The following ZFAND3 variants were observed in gnomAD, a reference collection of about 807,000 sequenced individuals.
The protein encoded by ZFAND3 is zinc finger AN1-type containing 3.
A neutral mutation model predicts 29.6 loss-of-function variants in ZFAND3; 10 were observed. The observed-to-expected ratio is 0.34, with a 90% CI of 0.21 to 0.57. The LOEUF (loss-of-function observed/expected upper bound fraction) is 0.57. Among genes scored for constraint, ZFAND3 ranks in the 20% least tolerant of loss-of-function variants. The pLI, the probability that ZFAND3 is intolerant of heterozygous loss-of-function variation, is 0.86. For missense variants in ZFAND3, 230 were observed against 304.5 expected (o/e 0.76, Z 1.82); for synonymous variants, 128 against 112.6 (o/e 1.14, Z -0.87).
intron 2 of ZFAND3, among the ~76,000 whole-genome samples, chr6:37,948,324 C>T (rs2645097): frequency 0.98 from 148,700 of 152,352 alleles, 72,686 homozygotes; most frequent in East Asian, 1. Flanking sequence ...TATAAATTGA[C>T]CCCTTCATCA....
intron 1 of ZFAND3, among the ~76,000 whole-genome samples, chr6:37,855,377 C>T (rs1373778677): frequency 6.6e-6 from 1 of 151,238 alleles, no homozygotes; most frequent in Non-Finnish European, 1.5e-5. Flanking sequence ...GTCTCGAACT[C>T]CTGACCTCAG....
intron 1 of ZFAND3, among the ~76,000 whole-genome samples, chr6:37,904,321 G>A (rs937083623): frequency 6.6e-6 from 1 of 152,154 alleles, no homozygotes; most frequent in Admixed American, 6.5e-5. Context: ...CTCTGCTGAT[G>A]CTGATAGCTC....
chr6:37,936,755 A>G (rs1761705632), intron 2 of ZFAND3, among the ~76,000 whole-genome samples: 1 of 152,244 alleles, frequency 6.6e-6, no homozygotes, highest in Non-Finnish European at 1.5e-5. Flanking sequence ...GTAATTGCAC[A>G]AATTACAAAT....
chr6:38,010,681 C>T (rs568081310), intron 2 of ZFAND3, among the ~76,000 whole-genome samples: 1 of 151,356 alleles, frequency 6.6e-6, no homozygotes, highest in African/African-American at 2.4e-5. Flanking sequence ...CTCACTGCAA[C>T]CTCCGCCTCA....
Position 38,145,856 on chromosome 6 carries a change from C to T in ZFAND3, c.530-6379C>T, listed in dbSNP as rs555471043. On this transcript the variant is annotated intron_variant, in intron 5 of 5. Coordinates refer to ENST00000287218, the MANE Select transcript of ZFAND3 (RefSeq NM_021943.3). ...GAGTGGCTTCCATTGAAATACCTGT[C>T]CTTCCGAGAGAAGTGCCCCTACCCC... 2.0e-5 allele frequency among the ~76,000 whole-genome samples: 3 copies of T among 152,334 alleles called. No homozygotes were observed. The East Asian group carries it at 5.8e-4, about 29-fold the overall frequency.
At chr6:37,985,880 A>G (rs972986797) in intron 2 of ZFAND3, among the ~76,000 whole-genome samples, 3 of 152,204 alleles carry the variant, frequency 2.0e-5, no homozygotes, top group African/African-American at 7.2e-5. Flanking sequence ...TTATTATTCT[A>G]GTCTCTTTTT....
intron 1 of ZFAND3, among the ~76,000 whole-genome samples, chr6:37,920,226 G>A (rs1390798133): frequency 3.3e-5 from 5 of 151,786 alleles, no homozygotes; most frequent in South Asian, 2.1e-4. Context: ...TGCAATCATT[G>A]TATATATTGG....
chr6:37,850,620 G>A (rs942549629), intron 1 of ZFAND3, among the ~76,000 whole-genome samples: 2 of 152,158 alleles, frequency 1.3e-5, no homozygotes, highest in Admixed American at 1.3e-4. Context: ...TAGCCTAGCA[G>A]TGATAGGCCA....
At chr6:37,975,321 GT>G (rs1193028392) in intron 2 of ZFAND3, among the ~76,000 whole-genome samples, 1 of 151,762 alleles carries the variant, frequency 6.6e-6, no homozygotes, top group Non-Finnish European at 1.5e-5. Flanking sequence ...TTTAAATTGG[GT>G]TTTTTTCTTT....
intron 5 of ZFAND3, among the ~76,000 whole-genome samples, chr6:38,143,550 G>T (rs182823856): frequency 6.6e-6 from 1 of 152,398 alleles, no homozygotes; most frequent in Admixed American, 6.5e-5. Context: ...GGGGAAAGCA[G>T]ATGATTGCTT....
intron 2 of ZFAND3, among the ~76,000 whole-genome samples, chr6:38,028,561 G>A (rs1763491043): frequency 6.6e-6 from 1 of 151,930 alleles, no homozygotes; most frequent in South Asian, 2.1e-4. Flanking sequence ...ATTTTCTCAG[G>A]CAACTGCTGA....
In ZFAND3 at chr6:38,153,313, T is replaced by C; in HGVS notation, c.*924T>C. The stretch of plus-strand genomic sequence containing the variant: ...AGCCAACAAGAATCAGTAGAAGTGC[T>C]GGGAGCAGCAGCTGGGGAAGCTGCC... On this transcript the variant is annotated 3_prime_UTR_variant, in exon 6 of 6. Coordinates refer to ENST00000287218, the MANE Select transcript of ZFAND3 (RefSeq NM_021943.3). 9.1e-6 allele frequency: 9 copies of C among 985,504 alleles called. No homozygotes were observed. The highest frequency in any genetic ancestry group is 1.1e-5 in the Non-Finnish European group (9 of 829,968). The allele number at this position is 985,504 out of a possible 1,614,324, so 61.0% of individuals were successfully genotyped here.
intron 5 of ZFAND3, among the ~76,000 whole-genome samples, chr6:38,141,170 A>G (rs77481357): frequency 2.5e-3 from 374 of 152,358 alleles, no homozygotes; most frequent in Non-Finnish European, 4.4e-3. Flanking sequence ...TCTTAAAACA[A>G]GCACATAAAA....
At chr6:37,835,780 C>A (rs1181737934) in intron 1 of ZFAND3, among the ~76,000 whole-genome samples, 1 of 152,030 alleles carries the variant, frequency 6.6e-6, no homozygotes, top group Non-Finnish European at 1.5e-5. Context: ...ACACACTATT[C>A]CGGAACCACC....
intron 3 of ZFAND3, among the ~76,000 whole-genome samples, chr6:38,075,714 C>A (rs1011923734): frequency 1.1e-4 from 17 of 151,994 alleles, no homozygotes; most frequent in African/African-American, 4.1e-4. Flanking sequence ...ACAGAGAAAT[C>A]TTTTGTGAAA....
rs1311047911 is a variant in ZFAND3, at chr6:38,026,732, A to G, written c.113-34861A>G. ...AGGCGTGAGCTACCACGCCCGGCCA[A>G]TCCAATTTTAGGATCTTATGTGGTA... On this transcript the variant is annotated intron_variant, in intron 2 of 5. Coordinates refer to ENST00000287218, the MANE Select transcript of ZFAND3 (RefSeq NM_021943.3). Among the ~76,000 whole-genome samples the G allele has an allele frequency of 2.0e-5, 3 of 152,058 alleles. No homozygotes were observed. The East Asian group carries it at 5.8e-4, about 29-fold the overall frequency.
intron 2 of ZFAND3, among the ~76,000 whole-genome samples, chr6:38,041,653 T>TTCC (rs780269658): frequency 0.071 from 1,590 of 22,508 alleles, 94 homozygotes; most frequent in East Asian, 0.18. Context: ...CTTCTTCTTC[T>TTCC]TCTTCTTCTT....
chr6:37,820,356 C>T (rs1763641869), intron 1 of ZFAND3, among the ~76,000 whole-genome samples: 1 of 152,176 alleles, frequency 6.6e-6, no homozygotes, highest in Non-Finnish European at 1.5e-5. Context: ...CAGGGGTGCC[C>T]CTTCCGTGGG....
At chr6:37,922,418 A>G (rs1182926725) in intron 1 of ZFAND3, among the ~76,000 whole-genome samples, 1 of 152,264 alleles carries the variant, frequency 6.6e-6, no homozygotes, top group Non-Finnish European at 1.5e-5. Context: ...TTAAGGCGTG[A>G]TAAATATTAA....
Sources: gnomAD v4.1 joint callset for allele counts (sites outside exome capture counted in the v4.1 genomes callset) on GRCh38, gnomAD v4.1.1 for gene constraint, MANE v1.5 for transcripts, NCBI Gene and HGNC (gene_info 2026-07-23, HGNC 2026-07-21) for gene names.